Variants in CDK2AP1 observed in about 807,000 individuals in gnomAD.
The protein encoded by CDK2AP1 is cyclin dependent kinase 2 associated protein 1, also known as cyclin-dependent kinase 2-associated protein 1.
Under a neutral mutation model 14.1 loss-of-function variants are expected in CDK2AP1, and 10 were observed. That is an observed-to-expected ratio of 0.71 (90% CI 0.44 to 1.20). CDK2AP1 has a LOEUF of 1.20. Among genes scored for constraint, CDK2AP1 ranks in the 50% most tolerant of loss-of-function variants. The pLI is 0.00. For synonymous variants in CDK2AP1, 59 were observed against 59.8 expected (o/e 0.99, Z 0.06); for missense variants, 102 against 149.9 (o/e 0.68, Z 1.67).
intron 1 of CDK2AP1, 53 bp downstream of exon 1, chr12:123,271,511 C>T (rs2048353447): frequency 4.1e-6 from 4 of 971,424 alleles, no homozygotes; most frequent in Admixed American, 6.2e-5. Context: ...GGGCCGGGCG[C>T]GCGGACCCCC....
intron 3 of CDK2AP1, chr12:123,262,018 G>A: frequency 2.2e-6 from 1 of 451,948 alleles, no homozygotes; most frequent in Non-Finnish European, 4.0e-6. Context: ...AACTCTTCCT[G>A]TCTCTCTAAA....
At chr12:123,267,714 T>C (rs1049858809) in intron 1 of CDK2AP1, 3 of 179,740 alleles carry the variant, frequency 1.7e-5, no homozygotes, top group African/African-American at 7.1e-5. Context: ...TTTGCTTCTA[T>C]GCGCTCAAAT....
At chr12:123,271,054 GCAGCCC>G (rs2048349420) in intron 1 of CDK2AP1, 1 of 954,702 alleles carries the variant, frequency 1.0e-6, no homozygotes, top group Admixed American at 6.4e-5. Flanking sequence ...CCGCAGCCCC[GCAGCCC>G]CGCAGCCCTC....
In CDK2AP1 at chr12:123,263,713, G is replaced by A. The variant is rs184837156; in HGVS notation, c.280+1483C>T. ...GTTTCATAAACTCCAGAGCAACCCC[G>A]CTCCTGGCAGCAGCCTGTCCTCAAC... On this transcript the variant is annotated intron_variant, in intron 3 of 3. Coordinates refer to ENST00000261692, the MANE Select transcript of CDK2AP1 (RefSeq NM_004642.4). Among the ~76,000 whole-genome samples, 455 of 152,278 alleles carry A rather than the reference G, an allele frequency of 3.0e-3. 2 individuals are homozygous for A. The highest frequency in any genetic ancestry group is 0.01 in the African/African-American group (433 of 41,552).
chr12:123,268,374 G>T, intron 1 of CDK2AP1: 1 of 253,964 alleles, frequency 3.9e-6, no homozygotes, highest in Non-Finnish European at 6.2e-6. Flanking sequence ...GGAGCCGGGA[G>T]GAGCACTGGA....
At chr12:123,270,801 G>C (rs1418593459) in intron 1 of CDK2AP1, 1 of 981,088 alleles carries the variant, frequency 1.0e-6, no homozygotes, top group Non-Finnish European at 1.2e-6. Flanking sequence ...CCCAGATGGG[G>C]CGTCCACGTG....
chr12:123,270,781 C>G (rs545578878), intron 1 of CDK2AP1: 4 of 965,438 alleles, frequency 4.1e-6, no homozygotes, highest in East Asian at 2.3e-4. Context: ...AGGGCCAGCC[C>G]TTGGGGGCTC....
At chr12:123,271,059 C>T (rs1470215130) in intron 1 of CDK2AP1, 28 of 962,376 alleles carry the variant, frequency 2.9e-5, no homozygotes, top group Non-Finnish European at 3.2e-5. Context: ...GCCCCGCAGC[C>T]CCGCAGCCCT....
chr12:123,265,767 CAG>C lies in CDK2AP1; in HGVS notation c.154-447_154-446del, dbSNP rs952268687. Among the ~76,000 whole-genome samples the C allele has an allele frequency of 5.9e-5, 9 of 152,302 alleles. No individual in the cohort carries two copies. Among genetic ancestry groups the C allele is most frequent in the Admixed American group, 3.9e-4 (6 of 15,298 alleles). On this transcript the variant is annotated intron_variant, in intron 2 of 3. Transcript: ENST00000261692. This position sits in a 1 kb window ranked among gnomAD's most constrained non-coding sequence, Gnocchi z 5.3. ...ACTTTATTATCTCCAATGAACAAAA[CAG>C]GGGAAACAGCTCATTTTGGCACAAA... is the stretch of plus-strand genomic sequence containing the variant.
intron 2 of CDK2AP1, among the ~76,000 whole-genome samples, chr12:123,266,189 G>A (rs528795518): frequency 4.5e-4 from 69 of 152,288 alleles, no homozygotes; most frequent in Non-Finnish European, 8.5e-4. Context: ...CCCTGGCCTC[G>A]CGCTCTGTCC....
rs545699071 is a variant in CDK2AP1 at position 123,271,037 on chromosome 12, GGCAGCCCCGCAGCCCC to G, written c.55+511_55+526del. 556 of 944,744 alleles carry G rather than the reference GGCAGCCCCGCAGCCCC, an allele frequency of 5.9e-4. 3 individuals are homozygous for G. Among genetic ancestry groups the G allele is most frequent in the Admixed American group, 2.3e-3 (36 of 15,704 alleles). 58.5% of individuals were successfully genotyped at this position (944,744 alleles called of 1,614,324 possible). On this transcript the variant is annotated intron_variant, in intron 1 of 3. Transcript: ENST00000261692. ...GCGACCTCAGGGCCCCCGGCAGCCC[GGCAGCCCCGCAGCCCC>G]GCAGCCCCGCAGCCCTCCATCCGCG...
At chr12:123,262,620 G>A (rs1207509006) in intron 3 of CDK2AP1, among the ~76,000 whole-genome samples, 1 of 152,170 alleles carries the variant, frequency 6.6e-6, no homozygotes, top group Non-Finnish European at 1.5e-5. Flanking sequence ...CTGTCACCCA[G>A]GCTGGAGTGC....
At chr12:123,267,342 C>T in intron 1 of CDK2AP1, 60 bp from the exon 2 acceptor site, 1 of 1,025,620 alleles carries the variant, frequency 9.8e-7, no homozygotes, top group South Asian at 1.3e-5. Context: ...AAGGCAAGGA[C>T]TCCGGGTCCT....
At chr12:123,264,802 G>A (rs1391615793) in intron 3 of CDK2AP1, among the ~76,000 whole-genome samples, 1 of 152,116 alleles carries the variant, frequency 6.6e-6, no homozygotes, top group African/African-American at 2.4e-5. Context: ...ACAGCAGAGG[G>A]CAGTGCAGGC....
chr12:123,261,950 C>A, intron 3 of CDK2AP1, 147 bp from the exon 4 acceptor site: 1 of 645,206 alleles, frequency 1.5e-6, no homozygotes. Context: ...TATAACCAAG[C>A]AACCCTGAAG....
intron 3 of CDK2AP1, among the ~76,000 whole-genome samples, chr12:123,264,519 T>C (rs1399866511): frequency 2.1e-5 from 3 of 142,826 alleles, no homozygotes; most frequent in East Asian, 3.9e-4. Flanking sequence ...TCATCTTGAA[T>C]GCGTTCATGG....
At position 123,261,621 on chromosome 12, in the gene CDK2AP1, A is replaced by T. The variant is rs2048233283; in HGVS notation, c.*115T>A. On this transcript the variant is annotated 3_prime_UTR_variant, in exon 4 of 4. Transcript: ENST00000261692. ...GGTTCAGAGCCAAGTGAACCATGGG[A>T]GGAAAAACGAAACTGTAACCATTTT... is the stretch of plus-strand genomic sequence containing the variant. The T allele has an allele frequency of 1.2e-6, 1 of 800,240 alleles. No homozygotes were observed. The allele number at this position is 800,240 out of a possible 1,614,324, so 49.6% of individuals were successfully genotyped here.
rs546991408 is a variant in CDK2AP1, at chr12:123,265,520, A to T, written c.154-198T>A. Among the ~76,000 whole-genome samples the T allele has an allele frequency of 6.6e-6, 1 of 150,804 alleles. No homozygotes were observed. Among genetic ancestry groups the T allele is most frequent in the African/African-American group, 2.4e-5 (1 of 41,322 alleles). On this transcript the variant is annotated intron_variant, in intron 2 of 3. Transcript: ENST00000261692. The surrounding 1 kb of genome is among the most constrained non-coding windows in gnomAD (Gnocchi z 5.3). ...TCCATCTCGGGGGAAAAAAAAAAAAAAGGGTTCAGCAGCCTGACCCCAAGG... is the reference window on the plus strand; with the variant it reads ...TCCATCTCGGGGGAAAAAAAAAAAATAGGGTTCAGCAGCCTGACCCCAAGG...
chr12:123,269,404 G>A (rs1011441087), intron 1 of CDK2AP1, among the ~76,000 whole-genome samples: 2 of 152,168 alleles, frequency 1.3e-5, no homozygotes, highest in East Asian at 1.9e-4. Flanking sequence ...GTTCGGGGGC[G>A]GGGGGGTGTC....
Sources: gnomAD v4.1 joint callset for allele counts (sites outside exome capture counted in the v4.1 genomes callset) on GRCh38, gnomAD v4.1.1 for gene constraint, Gnocchi (gnomAD v3.1) non-coding constraint, MANE v1.5 for transcripts, NCBI Gene and HGNC (gene_info 2026-07-23, HGNC 2026-07-21) for gene names.